The following BBS5 variants were observed in gnomAD, a reference collection of about 807,000 sequenced individuals.
BBS5 encodes the protein BBSome complex member BBS5.
A neutral mutation model predicts 50.2 loss-of-function variants in BBS5; 39 were observed. The observed-to-expected ratio is 0.78, with a 90% CI of 0.60 to 1.01. The LOEUF is 1.01. Ranked by LOEUF, BBS5 falls within the 50% of genes least tolerant of loss-of-function variation. The pLI, the probability that BBS5 is intolerant of heterozygous loss-of-function variation, is 0.00. For synonymous variants in BBS5, 134 were observed against 133.1 expected (o/e 1.01, Z -0.05); for missense variants, 356 against 401.5 (o/e 0.89, Z 0.97).
Position 169,499,608 on chromosome 2 carries a change from G to C in BBS5, c.804G>C (p.Glu268Asp). The C allele has an allele frequency of 6.2e-7, 1 of 1,613,944 alleles. No individual in the cohort carries two copies. Among genetic ancestry groups the C allele is most frequent in the Non-Finnish European group, 8.5e-7 (1 of 1,179,882 alleles). The change falls in exon 9 of 12, where the codon GAG (glutamate) becomes GAC (aspartate). Residue 268 changes from glutamate to aspartate, a missense_variant. By Grantham distance (45) the Glu-to-Asp change is conservative. Transcript: ENST00000295240. ...SASPIFGVDYEMEEKPQPLEA... is the reference protein window; with the variant it reads ...SASPIFGVDYDMEEKPQPLEA... ...GTCCCATATTTGGAGTTGATTATGA[G>C]ATGGAAGAAAAGGTAATTTGTTGAG...
At chr2:169,495,841 A>G (rs749697666) in intron 7 of BBS5, among the ~76,000 whole-genome samples, 3 of 152,132 alleles carry the variant, frequency 2.0e-5, no homozygotes, top group Non-Finnish European at 2.9e-5. Flanking sequence ...TAATTTTTGT[A>G]GAGACGGGGT....
chr2:169,487,641 A>T, intron 3 of BBS5, 165 bp from the exon 4 acceptor site: 1 of 494,450 alleles, frequency 2.0e-6, no homozygotes, highest in Non-Finnish European at 3.5e-6. Flanking sequence ...AGTTTTTTTA[A>T]TTATTTAATT....
At chr2:169,492,252 G>A (rs1432173535) in intron 5 of BBS5, among the ~76,000 whole-genome samples, 1 of 151,862 alleles carries the variant, frequency 6.6e-6, no homozygotes, top group Non-Finnish European at 1.5e-5. Flanking sequence ...AGCACTTTGG[G>A]AGGCCGAGGC....
chr2:169,497,806 A>C, intron 8 of BBS5, 117 bp downstream of exon 8: 1 of 702,042 alleles, frequency 1.4e-6, no homozygotes, highest in Non-Finnish European at 2.5e-6. Context: ...TAGCTTTAAT[A>C]TGAAGTTATA....
At chr2:169,482,611 A>C (rs1683417376) in intron 2 of BBS5, 8 of 401,216 alleles carry the variant, frequency 2.0e-5, no homozygotes, top group Non-Finnish European at 3.7e-5. Flanking sequence ...ATTAGTTCTG[A>C]CCGTTAGATC....
In BBS5 at chr2:169,505,427, C is replaced by G. The variant is rs969257001; in HGVS notation, c.*845C>G. 4.3e-5 allele frequency: 14 copies of G among 323,856 alleles called. No homozygotes were observed. In the Admixed American group the frequency reaches 6.1e-4, roughly 14 times the overall value. The allele number at this position is 323,856 out of a possible 1,614,324, so 20.1% of individuals were successfully genotyped here. A position where few individuals can be genotyped will look rare whatever the true frequency, so the allele number is the denominator to read the frequency against. ...CTGCCTGGCTGCCCATTGTCTGGGA[C>G]GTGAGCAGCCCCTCTGCCTGGCTGC... On this transcript the variant is annotated 3_prime_UTR_variant, in exon 12 of 12. Transcript: ENST00000295240.
intron 3 of BBS5, 76 bp downstream of exon 3, chr2:169,487,210 A>G: frequency 2.2e-6 from 2 of 929,240 alleles, no homozygotes; most frequent in Non-Finnish European, 3.5e-6. Flanking sequence ...CTTTGATACC[A>G]AAGAAGTATG....
intron 6 of BBS5, 76 bp downstream of exon 6, chr2:169,493,085 A>G: frequency 2.0e-6 from 3 of 1,514,212 alleles, no homozygotes; most frequent in South Asian, 1.1e-5. Flanking sequence ...TTGGATTTAT[A>G]TAGTCAATTC....
At chr2:169,493,659 A>T (rs1191654779) in intron 6 of BBS5, 82 bp from the exon 7 acceptor site, 1 of 973,572 alleles carries the variant, frequency 1.0e-6, no homozygotes, top group Admixed American at 1.7e-5. Flanking sequence ...TGCTGCTGTA[A>T]TAAGTTATTC....
chr2:169,499,457 G>A, intron 8 of BBS5, 29 bp from the exon 9 acceptor site: 1 of 1,567,580 alleles, frequency 6.4e-7, no homozygotes, highest in Non-Finnish European at 8.7e-7. Context: ...GACTTGTTGG[G>A]TTTTTTTTTA....
chr2:169,479,573 T>A lies in BBS5; in HGVS notation c.20T>A (p.Leu7His), dbSNP rs550006085. The change falls in exon 1 of 12, where the codon CTT (leucine) becomes CAT (histidine). Residue 7 changes from leucine to histidine, a missense_variant. Leu to His is a moderately conservative substitution (Grantham distance 99, BLOSUM62 -3). Transcript: ENST00000295240. ...TTCACCATGTCGGTGCTGGATGCGC[T>A]TTGGGAGGATCGGGATGTCCGTTTC... MSVLDA[L>H]WEDRDVRFDL... is the part of the protein sequence containing the mutation. The A allele has an allele frequency of 6.2e-7, 1 of 1,614,154 alleles. No individual in the cohort carries two copies. The highest frequency in any genetic ancestry group is 8.5e-7 in the Non-Finnish European group (1 of 1,179,992).
intron 10 of BBS5, among the ~76,000 whole-genome samples, chr2:169,503,784 T>G (rs771454870): frequency 1.3e-5 from 2 of 152,228 alleles, no homozygotes; most frequent in Non-Finnish European, 2.9e-5. Context: ...TCTATGGCTA[T>G]GAATCTGACT....
rs556433938 is a variant in BBS5 at position 169,504,751 on chromosome 2, C to T, written c.*169C>T. 30 of 1,318,634 alleles carry T rather than the reference C, an allele frequency of 2.3e-5. No homozygotes were observed. Among genetic ancestry groups the T allele is most frequent in the Middle Eastern group, 2.4e-4 (1 of 4,124 alleles). 81.7% of individuals were successfully genotyped at this position (1,318,634 alleles called of 1,614,324 possible). The stretch of plus-strand genomic sequence containing the variant: ...AAGTCATTTAGAAAACTTCAGTTTT[C>T]GGCCAGCGCGTCGAGGGAGGGGCCA... On this transcript the variant is annotated 3_prime_UTR_variant, in exon 12 of 12. Coordinates refer to ENST00000295240, the MANE Select transcript of BBS5 (RefSeq NM_152384.3).
chr2:169,493,121 AAAGCGTATTACTTTTCAATAAGTAC>A, intron 6 of BBS5, 112 bp downstream of exon 6: 1 of 1,282,432 alleles, frequency 7.8e-7, no homozygotes, highest in Non-Finnish European at 1.1e-6. Flanking sequence ...GCATTATAGG[AAAGCGTATTACTTTTCAATAAGTAC>A]AAGTTAGGTT....
chr2:169,497,799 C>A (rs1683723003), intron 8 of BBS5, 110 bp downstream of exon 8: 3 of 730,570 alleles, frequency 4.1e-6, no homozygotes, highest in African/African-American at 1.8e-5. Context: ...AGAATATTAG[C>A]TTTAATATGA....
intron 9 of BBS5, among the ~76,000 whole-genome samples, chr2:169,501,224 G>A (rs1293153287): frequency 6.6e-6 from 1 of 152,156 alleles, no homozygotes; most frequent in Non-Finnish European, 1.5e-5. Flanking sequence ...GTCAAAGTCA[G>A]CTGTACTCAA....
intron 8 of BBS5, among the ~76,000 whole-genome samples, chr2:169,498,731 C>T (rs923699477): frequency 1.3e-5 from 2 of 149,262 alleles, no homozygotes; most frequent in Admixed American, 6.8e-5. Flanking sequence ...GGCGCGAACC[C>T]GGGAGGCGGA....
In BBS5 at chr2:169,493,727, A is replaced by G; in HGVS notation, c.523-14A>G. 1 of 1,547,340 alleles carries G rather than the reference A, an allele frequency of 6.5e-7. No individual in the cohort carries two copies. Among genetic ancestry groups the G allele is most frequent in the African/African-American group, 1.4e-5 (1 of 73,608 alleles). On this transcript the variant is annotated splice_polypyrimidine_tract_variant and intron_variant, in intron 6 of 11. Transcript: ENST00000295240. Reference sequence around the variant, plus strand: ...AAAATGATCATTTCGGTATCTCATTACTGTTTTTTACAGGGCAATTTAGGA... The same window carrying G: ...AAAATGATCATTTCGGTATCTCATTGCTGTTTTTTACAGGGCAATTTAGGA...
In BBS5 at chr2:169,505,094, A is replaced by G. The variant is rs956196497; in HGVS notation, c.*512A>G. 21 of 1,081,788 alleles carry G rather than the reference A, an allele frequency of 1.9e-5. No homozygotes were observed. The highest frequency in any genetic ancestry group is 2.6e-5 in the Non-Finnish European group (19 of 719,056). 67.0% of individuals were successfully genotyped at this position (1,081,788 alleles called of 1,614,324 possible). Reference sequence around the variant, plus strand: ...CTCAGCCTGCCGAGTGCCTGCGATTACAGGCGCGCGCCGCCACACCTGACT... The same window carrying G: ...CTCAGCCTGCCGAGTGCCTGCGATTGCAGGCGCGCGCCGCCACACCTGACT... On this transcript the variant is annotated 3_prime_UTR_variant, in exon 12 of 12. Transcript: ENST00000295240.
Sources: gnomAD v4.1 joint callset for allele counts (sites outside exome capture counted in the v4.1 genomes callset) on GRCh38, gnomAD v4.1.1 for gene constraint, MANE v1.5 for transcripts, NCBI Gene and HGNC (gene_info 2026-07-23, HGNC 2026-07-21) for gene names.